The following SYNE1 variants were observed in gnomAD, a reference collection of about 807,000 sequenced individuals.
SYNE1 encodes nesprin-1.
SYNE1 carries 616 observed loss-of-function variants against 1,111.0 expected under a neutral mutation model. The observed-to-expected ratio is 0.55, with a 90% CI of 0.52 to 0.59. The LOEUF is 0.59. Among genes scored for constraint, SYNE1 ranks in the 20% least tolerant of loss-of-function variants. SYNE1 has a pLI of 0.00. For synonymous variants in SYNE1, 3,855 were observed against 3,825.8 expected, an observed-to-expected ratio of 1.01 and a Z score of -0.28; for missense variants, 10,006 against 10,417.0, an observed-to-expected ratio of 0.96 and a Z score of 1.72.
intron 58 of SYNE1, among the ~76,000 whole-genome samples, chr6:152,374,796 AAAT>A (rs2097252154): frequency 6.6e-6 from 1 of 151,960 alleles, no homozygotes. Context: ...ATAAATAAAT[AAAT>A]AAAAAGAAAA....
chr6:152,182,751 A>AGG (rs1399392894), intron 128 of SYNE1, among the ~76,000 whole-genome samples: 3 of 152,214 alleles, frequency 2.0e-5, no homozygotes, highest in Non-Finnish European at 4.4e-5. Context: ...TACGTATCCC[A>AGG]AGGCCAGCCT....
At chr6:152,363,829 C>T in intron 63 of SYNE1, 1 of 449,562 alleles carries the variant, frequency 2.2e-6, no homozygotes, top group Non-Finnish European at 4.5e-6. Flanking sequence ...TCTCTAAATA[C>T]TCCAGATCCC....
At position 152,122,069 on chromosome 6, in the gene SYNE1, GCAGCACCA is replaced by G; in HGVS notation, c.*359_*366del. ...GAGGGTCATTTATCTGATGGTTGGA[GCAGCACCA>G]TGGGAAAGCTGCCCAGATGGTCTAC... is the stretch of plus-strand genomic sequence containing the variant. On this transcript the variant is annotated 3_prime_UTR_variant, in exon 146 of 146. Transcript: ENST00000367255. The G allele has an allele frequency of 1.2e-5, 4 of 345,632 alleles. No individual in the cohort carries two copies. The highest frequency in any genetic ancestry group is 4.1e-5 in the Admixed American group (1 of 24,250). 21.4% of individuals were successfully genotyped at this position (345,632 alleles called of 1,614,324 possible).
chr6:152,465,988 C>T lies in SYNE1; in HGVS notation c.1723G>A (p.Gly575Ser). The T allele has an allele frequency of 6.2e-7, 1 of 1,610,504 alleles. No homozygotes were observed. Among genetic ancestry groups the T allele is most frequent in the Non-Finnish European group, 8.5e-7 (1 of 1,176,992 alleles). Residue 575 changes from glycine (G) to serine (S), a missense_variant, in exon 17 of 146, where the codon GGT (glycine) becomes AGT (serine). By Grantham distance (56) the Gly-to-Ser change is moderately conservative. Coordinates refer to ENST00000367255, the MANE Select transcript of SYNE1 (RefSeq NM_182961.4). Reference protein sequence around the residue: ...QTAEMYVKADGSVEEAENVMK... With the variant: ...QTAEMYVKADSSVEEAENVMK... The stretch of plus-strand genomic sequence containing the variant: ...ATTCTGTAGTATGTTTTACCTGAAC[C>T]ATCTGCTTTGACATACATCTCAGCT...
chr6:152,275,237 T>C (rs1334527267), intron 98 of SYNE1, among the ~76,000 whole-genome samples: 3 of 151,956 alleles, frequency 2.0e-5, no homozygotes, highest in Non-Finnish European at 4.4e-5. Context: ...GCTATAAAAT[T>C]ATGGGTTTGG....
chr6:152,143,986 C>T (rs1226099648), intron 137 of SYNE1: 10 of 586,378 alleles, frequency 1.7e-5, no homozygotes, highest in Admixed American at 1.1e-4. Flanking sequence ...GCAGATCGGA[C>T]GTCGCAAAAC....
chr6:152,507,413 A>C (rs2099063415), intron 8 of SYNE1, among the ~76,000 whole-genome samples: 1 of 152,356 alleles, frequency 6.6e-6, no homozygotes, highest in Non-Finnish European at 1.5e-5. Flanking sequence ...ATAATTAAAA[A>C]GTTTCAGCAC....
intron 3 of SYNE1, among the ~76,000 whole-genome samples, chr6:152,547,718 A>C (rs1287068277): frequency 1.3e-5 from 2 of 152,240 alleles, no homozygotes; most frequent in African/African-American, 4.8e-5. Flanking sequence ...GAAAACTCAG[A>C]AAGAGTTTGA....
chr6:152,424,093 T>C (rs2098313785), intron 39 of SYNE1, among the ~76,000 whole-genome samples: 1 of 152,198 alleles, frequency 6.6e-6, no homozygotes, highest in Non-Finnish European at 1.5e-5. Flanking sequence ...GGACCTGCCT[T>C]GCTTACTGCT....
At chr6:152,636,274 T>C (rs1484588777) in intron 2 of SYNE1, among the ~76,000 whole-genome samples, 1 of 151,960 alleles carries the variant, frequency 6.6e-6, no homozygotes, top group Non-Finnish European at 1.5e-5. Context: ...GCCCTACCTC[T>C]CCCATCTGAT....
intron 12 of SYNE1, among the ~76,000 whole-genome samples, chr6:152,486,521 T>A (rs1314218033): frequency 6.6e-6 from 1 of 152,202 alleles, no homozygotes; most frequent in East Asian, 1.9e-4. Flanking sequence ...ACAGATAGCT[T>A]TATAACTTGG....
At chr6:152,525,618 T>C (rs1159675835) in intron 5 of SYNE1, among the ~76,000 whole-genome samples, 2 of 152,170 alleles carry the variant, frequency 1.3e-5, no homozygotes, top group Non-Finnish European at 2.9e-5. Flanking sequence ...TGATGGATGA[T>C]GGATGATGTC....
chr6:152,407,727 C>CA, intron 44 of SYNE1, among the ~76,000 whole-genome samples: 1 of 146,920 alleles, frequency 6.8e-6, no homozygotes, highest in East Asian at 2.0e-4. Context: ...ATAAATAAAA[C>CA]AAAAATAGCA....
At chr6:152,449,692 T>A (rs1326613824) in intron 27 of SYNE1, 51 bp from the exon 28 acceptor site, 1 of 1,346,188 alleles carries the variant, frequency 7.4e-7, no homozygotes, top group South Asian at 1.2e-5. Flanking sequence ...ACCAGAATGA[T>A]CAGAATATGT....
intron 140 of SYNE1, 75 bp from the exon 141 acceptor site, chr6:152,136,893 G>T: frequency 1.3e-6 from 2 of 1,520,032 alleles, no homozygotes; most frequent in South Asian, 1.1e-5. Context: ...TGTTTCACAT[G>T]AATGAAAAGA....
chr6:152,365,820 A>G (rs1297450055), intron 62 of SYNE1, among the ~76,000 whole-genome samples: 1 of 152,088 alleles, frequency 6.6e-6, no homozygotes, highest in East Asian at 1.9e-4. Context: ...ACAAAGCTTC[A>G]TCTCTTTTTA....
intron 137 of SYNE1, 187 bp from the exon 138 acceptor site, chr6:152,143,952 G>A: frequency 3.8e-6 from 3 of 790,206 alleles, no homozygotes; most frequent in South Asian, 1.6e-5. Flanking sequence ...CCAAACCAAT[G>A]AAGGTGCTTG....
intron 44 of SYNE1, 72 bp from the exon 45 acceptor site, chr6:152,407,268 A>G (rs2154165729): frequency 7.0e-7 from 1 of 1,425,834 alleles, no homozygotes; most frequent in East Asian, 2.3e-5. Flanking sequence ...CCAAAGTACC[A>G]ATGCTTCTTT....
At chr6:152,394,573 T>C (rs546660575) in intron 51 of SYNE1, among the ~76,000 whole-genome samples, 3 of 150,720 alleles carry the variant, frequency 2.0e-5, no homozygotes, top group Non-Finnish European at 4.4e-5. Flanking sequence ...GAACTTTGCC[T>C]GGGAAAGGAG....
Sources: allele counts gnomAD v4.1 joint callset (sites outside exome capture counted in the v4.1 genomes callset), GRCh38; gene constraint gnomAD v4.1.1; transcripts MANE v1.5; gene names NCBI Gene and HGNC (gene_info 2026-07-23, HGNC 2026-07-21).